WDR70: variants seen among roughly 807,000 people sequenced by gnomAD.
WDR70 encodes WD repeat-containing protein 70.
WDR70 carries 53 observed loss-of-function variants against 88.6 expected under a neutral mutation model. The observed-to-expected ratio is 0.60, with a 90% CI of 0.48 to 0.75. The LOEUF (loss-of-function observed/expected upper bound fraction) is 0.75. Ranked by LOEUF, WDR70 falls within the 30% of genes least tolerant of loss-of-function variation. The pLI is 0.00. For synonymous variants in WDR70, 280 were observed against 270.0 expected (o/e 1.04, Z -0.36); for missense variants, 610 against 823.2 (o/e 0.74, Z 3.17).
intron 5 of WDR70, among the ~76,000 whole-genome samples, chr5:37,436,855 T>C (rs984732327): frequency 1.3e-5 from 2 of 152,076 alleles, no homozygotes; most frequent in African/African-American, 2.4e-5. Context: ...AGATTGAAGA[T>C]AGAAAAAGCT....
chr5:37,540,887 A>AT (rs1741797602), intron 9 of WDR70, among the ~76,000 whole-genome samples: 2 of 152,056 alleles, frequency 1.3e-5, no homozygotes, highest in Admixed American at 1.3e-4. Flanking sequence ...TTGATATTTT[A>AT]TTTTTTTAAA....
chr5:37,559,365 C>T (rs1742416212), intron 9 of WDR70, among the ~76,000 whole-genome samples: 1 of 152,180 alleles, frequency 6.6e-6, no homozygotes, highest in African/African-American at 2.4e-5. Flanking sequence ...CACTCTCTCT[C>T]TTCTACCTCC....
intron 9 of WDR70, among the ~76,000 whole-genome samples, chr5:37,590,258 A>C (rs907329125): frequency 6.6e-6 from 1 of 152,180 alleles, no homozygotes; most frequent in Admixed American, 6.5e-5. Flanking sequence ...CTGTCACCCC[A>C]AAAAGAGACA....
chr5:37,512,054 A>G (rs1004772082), intron 8 of WDR70, among the ~76,000 whole-genome samples: 1 of 152,162 alleles, frequency 6.6e-6, no homozygotes, highest in African/African-American at 2.4e-5. Context: ...GCTGAAATCA[A>G]GGTGTTGGCA....
At chr5:37,660,917 T>G (rs1330531614) in intron 10 of WDR70, among the ~76,000 whole-genome samples, 2 of 152,154 alleles carry the variant, frequency 1.3e-5, no homozygotes, top group African/African-American at 2.4e-5. Context: ...AAAAATACAG[T>G]GTAACAACCA....
intron 10 of WDR70, among the ~76,000 whole-genome samples, chr5:37,631,418 A>G (rs1188573075): frequency 2.0e-5 from 3 of 152,224 alleles, no homozygotes; most frequent in African/African-American, 4.8e-5. Flanking sequence ...GTTAGTAACA[A>G]TAGTGGTGAT....
At chr5:37,618,714 A>G (rs1744417815) in intron 10 of WDR70, among the ~76,000 whole-genome samples, 1 of 152,158 alleles carries the variant, frequency 6.6e-6, no homozygotes, top group Non-Finnish European at 1.5e-5. Context: ...GGCTATGTAG[A>G]GTTTGGATAC....
At chr5:37,610,464 ATTATT>A (rs1202285706) in intron 10 of WDR70, among the ~76,000 whole-genome samples, 1 of 151,222 alleles carries the variant, frequency 6.6e-6, no homozygotes, top group African/African-American at 2.4e-5. Flanking sequence ...TTGGTTTATT[ATTATT>A]TTATTCTGTG....
At chr5:37,669,399 TTA>T (rs1491183524) in intron 10 of WDR70, among the ~76,000 whole-genome samples, 2 of 18,948 alleles carry the variant, frequency 1.1e-4, no homozygotes, top group African/African-American at 1.7e-4. Context: ...TATCTTTTTT[TTA>T]AAAAAAAAAA....
intron 7 of WDR70, among the ~76,000 whole-genome samples, chr5:37,464,570 A>G (rs572681206): frequency 1.7e-4 from 26 of 152,154 alleles, no homozygotes; most frequent in African/African-American, 6.3e-4. Context: ...AGGAGCATCA[A>G]CCCCTGGGGT....
intron 10 of WDR70, among the ~76,000 whole-genome samples, chr5:37,628,840 T>TA (rs1744738100): frequency 6.6e-6 from 1 of 152,186 alleles, no homozygotes; most frequent in South Asian, 2.1e-4. Context: ...TTTCTCTTCT[T>TA]ACTTTTGTAT....
intron 10 of WDR70, among the ~76,000 whole-genome samples, chr5:37,635,044 G>A (rs1395168564): frequency 6.6e-6 from 1 of 152,134 alleles, no homozygotes; most frequent in Non-Finnish European, 1.5e-5. Context: ...TCTGTTTGCA[G>A]AACCTCACTG....
At chr5:37,579,954 A>C (rs182547423) in intron 9 of WDR70, among the ~76,000 whole-genome samples, 2 of 152,132 alleles carry the variant, frequency 1.3e-5, no homozygotes, top group African/African-American at 2.4e-5. Flanking sequence ...ATTGGGTTCT[A>C]TTCTATCTTA....
At chr5:37,563,971 G>A (rs1742646669) in intron 9 of WDR70, among the ~76,000 whole-genome samples, 2 of 146,774 alleles carry the variant, frequency 1.4e-5, no homozygotes, top group African/African-American at 4.9e-5. Context: ...GACGATGGGC[G>A]GCCTGGCAGA....
At chr5:37,572,255 A>G (rs916304122) in intron 9 of WDR70, among the ~76,000 whole-genome samples, 5 of 151,926 alleles carry the variant, frequency 3.3e-5, no homozygotes, top group Non-Finnish European at 5.9e-5. Flanking sequence ...GTGTCGTGCA[A>G]TTCATTTGAT....
chr5:37,632,585 T>C (rs1476191976), intron 10 of WDR70, among the ~76,000 whole-genome samples: 2 of 152,268 alleles, frequency 1.3e-5, no homozygotes, highest in Admixed American at 6.5e-5. Flanking sequence ...AGTTAAAAAT[T>C]TTTAATAGAC....
At chr5:37,484,805 G>C (rs1739806241) in intron 8 of WDR70, among the ~76,000 whole-genome samples, 1 of 152,194 alleles carries the variant, frequency 6.6e-6, no homozygotes, top group Non-Finnish European at 1.5e-5. Flanking sequence ...CTGTGTGTTT[G>C]TTCCCCCTTG....
chr5:37,490,901 G>A (rs571988659), intron 8 of WDR70, among the ~76,000 whole-genome samples: 1 of 152,272 alleles, frequency 6.6e-6, no homozygotes, highest in Non-Finnish European at 1.5e-5. Context: ...GTGGGTATGA[G>A]GGGATGTCAT....
chr5:37,621,389 T>C (rs1744501068), intron 10 of WDR70, among the ~76,000 whole-genome samples: 1 of 152,168 alleles, frequency 6.6e-6, no homozygotes. Flanking sequence ...TTCACAGTGT[T>C]GCAACCACCA....
Sources: gnomAD v4.1 joint callset for allele counts (sites outside exome capture counted in the v4.1 genomes callset) on GRCh38, gnomAD v4.1.1 for gene constraint, MANE v1.5 for transcripts, NCBI Gene and HGNC (gene_info 2026-07-23, HGNC 2026-07-21) for gene names.